The following BMAL1 variants were observed in gnomAD, a reference collection of about 807,000 sequenced individuals.
BMAL1 encodes the protein basic helix-loop-helix ARNT like 1, also known as basic helix-loop-helix ARNT-like protein 1.
chr11:13,304,977 A>G, the BMAL1 span, among the ~76,000 whole-genome samples: 4 of 152,184 alleles, frequency 2.6e-5, no homozygotes, highest in Non-Finnish European at 4.4e-5. Flanking sequence ...ATCCTAGCAA[A>G]GGAGGAGAGC....
At chr11:13,383,286 T>C in the BMAL1 span, among the ~76,000 whole-genome samples, 1 of 152,260 alleles carries the variant, frequency 6.6e-6, no homozygotes, top group South Asian at 2.1e-4. Context: ...TCTACAAATG[T>C]CATCTGCAGT....
the BMAL1 span, among the ~76,000 whole-genome samples, chr11:13,372,957 C>CA: frequency 6.6e-6 from 1 of 152,100 alleles, no homozygotes; most frequent in Non-Finnish European, 1.5e-5. Flanking sequence ...AAAAGAAAAA[C>CA]AGTAGGGATA....
chr11:13,278,231 A>G, the BMAL1 span, among the ~76,000 whole-genome samples: 4 of 152,296 alleles, frequency 2.6e-5, no homozygotes, highest in Non-Finnish European at 5.9e-5. Flanking sequence ...GGGCCGGGAA[A>G]GTGTTCGCTG....
chr11:13,331,942 C>T, the BMAL1 span, among the ~76,000 whole-genome samples: 5 of 152,234 alleles, frequency 3.3e-5, no homozygotes, highest in South Asian at 2.1e-4. Context: ...TTAGAGGATG[C>T]GAAGAGGCCG....
At chr11:13,380,413 TCA>T in the BMAL1 span, 1 of 152,256 alleles carries the variant, frequency 6.6e-6, no homozygotes, top group African/African-American at 2.4e-5. Flanking sequence ...ACAACTGCCA[TCA>T]CACTCTCCCT....
At chr11:13,289,763 T>G in the BMAL1 span, among the ~76,000 whole-genome samples, 1 of 152,244 alleles carries the variant, frequency 6.6e-6, no homozygotes, top group African/African-American at 2.4e-5. Context: ...GTGCCACATT[T>G]TCTTAATCCA....
At chr11:13,336,648 T>C in the BMAL1 span, among the ~76,000 whole-genome samples, 97 of 152,260 alleles carry the variant, frequency 6.4e-4, no homozygotes, top group Non-Finnish European at 1.1e-3. Flanking sequence ...CAACCGTCAC[T>C]AGGGAATATG....
At chr11:13,360,528 T>TA in the BMAL1 span, 1 of 976,514 alleles carries the variant, frequency 1.0e-6, no homozygotes, top group Non-Finnish European at 1.6e-6. Flanking sequence ...CTTTTTTTTT[T>TA]AGGCCTGCTT....
chr11:13,338,246 G>A, the BMAL1 span, among the ~76,000 whole-genome samples: 3 of 151,972 alleles, frequency 2.0e-5, no homozygotes, highest in Non-Finnish European at 2.9e-5. Flanking sequence ...AAAACAAGCC[G>A]ATTTCATTTT....
chr11:13,386,817 C>G, the BMAL1 span: 11 of 1,576,970 alleles, frequency 7.0e-6, no homozygotes, highest in South Asian at 1.3e-4. Context: ...TGGAGTTTTA[C>G]AGTCTGTGAA....
the BMAL1 span, among the ~76,000 whole-genome samples, chr11:13,349,761 G>T: frequency 6.6e-6 from 1 of 152,190 alleles, no homozygotes; most frequent in South Asian, 2.1e-4. Flanking sequence ...AGGAGCTGAA[G>T]GACGGCCAGG....
chr11:13,326,808 C>T, the BMAL1 span, among the ~76,000 whole-genome samples: 28 of 151,478 alleles, frequency 1.8e-4, no homozygotes, highest in South Asian at 6.3e-4. Flanking sequence ...CATAGTGGCT[C>T]ACTGTTGTTT....
chr11:13,374,079 C>T, the BMAL1 span: 6 of 1,606,646 alleles, frequency 3.7e-6, no homozygotes, highest in Non-Finnish European at 4.3e-6. Context: ...TTAAATATTC[C>T]TTTATTCCCT....
chr11:13,383,541 C>T, the BMAL1 span, among the ~76,000 whole-genome samples: 1 of 152,038 alleles, frequency 6.6e-6, no homozygotes, highest in African/African-American at 2.4e-5. Flanking sequence ...AGTTTAAAGC[C>T]AGTTTCATTT....
At chr11:13,320,960 T>C in the BMAL1 span, among the ~76,000 whole-genome samples, 1 of 152,222 alleles carries the variant, frequency 6.6e-6, no homozygotes, top group African/African-American at 2.4e-5. Flanking sequence ...CCATAAATAA[T>C]AAATATACGG....
At chr11:13,382,297 A>AAGAC in the BMAL1 span, among the ~76,000 whole-genome samples, 1 of 19,868 alleles carries the variant, frequency 5.0e-5, no homozygotes, top group Non-Finnish European at 1.8e-4. Context: ...ACTACAAAGT[A>AAGAC]AGACCTGGGT....
the BMAL1 span, among the ~76,000 whole-genome samples, chr11:13,312,795 C>G: frequency 6.6e-6 from 1 of 152,102 alleles, no homozygotes; most frequent in Middle Eastern, 3.2e-3. Flanking sequence ...TTTATTGCTT[C>G]GAATGCACCA....
the BMAL1 span, among the ~76,000 whole-genome samples, chr11:13,324,378 TC>T: frequency 9.4e-6 from 1 of 106,160 alleles, no homozygotes; most frequent in Non-Finnish European, 2.4e-5. Context: ...AGCTGCCGCA[TC>T]TTTTCTTACT....
chr11:13,339,160 C>T, the BMAL1 span, among the ~76,000 whole-genome samples: 6 of 152,328 alleles, frequency 3.9e-5, no homozygotes, highest in East Asian at 9.7e-4. Flanking sequence ...ATGTCTAGAC[C>T]GTCAGGAAAC....
Sources: allele counts gnomAD v4.1 joint callset (sites outside exome capture counted in the v4.1 genomes callset), GRCh38; gene constraint gnomAD v4.1.1; transcripts MANE v1.5; gene names NCBI Gene and HGNC (gene_info 2026-07-23, HGNC 2026-07-21).